FBXL7: variants seen among roughly 807,000 people sequenced by gnomAD.
The protein encoded by FBXL7 is F-box and leucine rich repeat protein 7, also known as F-box/LRR-repeat protein 7.
FBXL7 carries 12 observed loss-of-function variants against 38.3 expected under a neutral mutation model. The ratio of observed to expected loss-of-function variants is 0.31; its 90% CI spans 0.20 to 0.51. The LOEUF (loss-of-function observed/expected upper bound fraction) is 0.51, where lower values mean the gene tolerates loss of function less well. FBXL7 is among the 20% of genes least tolerant of loss of function. The pLI is 0.98. For missense variants in FBXL7, 567 were observed against 676.4 expected, an observed-to-expected ratio of 0.84 and a Z score of 1.79; for synonymous variants, 297 against 300.9, an observed-to-expected ratio of 0.99 and a Z score of 0.13.
chr5:15,912,049 C>T (rs1741443106), intron 2 of FBXL7, among the ~76,000 whole-genome samples: 1 of 17,200 alleles, frequency 5.8e-5, no homozygotes, highest in Non-Finnish European at 1.0e-4. Context: ...GTGGTGGGCT[C>T]CACCCAGTTC....
chr5:15,546,941 GGAA>G (rs1210118324), intron 1 of FBXL7, among the ~76,000 whole-genome samples: 5 of 152,130 alleles, frequency 3.3e-5, no homozygotes, highest in Non-Finnish European at 7.3e-5. Flanking sequence ...TTGAAAGTCA[GGAA>G]GAAGAAGCTT....
intron 2 of FBXL7, among the ~76,000 whole-genome samples, chr5:15,622,510 C>T (rs1286871440): frequency 6.6e-6 from 1 of 152,002 alleles, no homozygotes; most frequent in Non-Finnish European, 1.5e-5. Flanking sequence ...TGTTCAATTC[C>T]CACCTATGAG....
At chr5:15,543,778 T>C (rs115720822) in intron 1 of FBXL7, among the ~76,000 whole-genome samples, 1,862 of 152,322 alleles carry the variant, frequency 0.012, 44 homozygotes, top group African/African-American at 0.043. Flanking sequence ...CATTGAACTA[T>C]AGATGTTATA....
chr5:15,906,574 G>A (rs1435870403), intron 2 of FBXL7, among the ~76,000 whole-genome samples: 1 of 139,482 alleles, frequency 7.2e-6, no homozygotes, highest in Non-Finnish European at 1.5e-5. Flanking sequence ...GTGCAGATTA[G>A]TTACATATGT....
chr5:15,685,499 A>G (rs1191575781), intron 2 of FBXL7, among the ~76,000 whole-genome samples: 3 of 152,186 alleles, frequency 2.0e-5, no homozygotes, highest in Non-Finnish European at 2.9e-5. Flanking sequence ...AATGAATGGA[A>G]CCTAGTATAG....
At chr5:15,815,055 T>C (rs1366239270) in intron 2 of FBXL7, among the ~76,000 whole-genome samples, 2 of 152,200 alleles carry the variant, frequency 1.3e-5, no homozygotes, top group Admixed American at 1.3e-4. Flanking sequence ...GCAGGACTTT[T>C]CTTTGTGTAT....
intron 2 of FBXL7, among the ~76,000 whole-genome samples, chr5:15,702,571 A>G (rs1272558290): frequency 1.3e-5 from 2 of 151,954 alleles, no homozygotes; most frequent in Non-Finnish European, 2.9e-5. Context: ...TGAACAATAT[A>G]TTTTTTCAAT....
Position 15,699,667 on chromosome 5 carries a change from A to T in FBXL7, c.127+83595A>T, listed in dbSNP as rs1051731587. ...TTAGGAGTTCCCAAATCAGAGTCAGAAACTGATCCATCCAGACTTTCTACA... is the reference window on the plus strand; with the variant it reads ...TTAGGAGTTCCCAAATCAGAGTCAGTAACTGATCCATCCAGACTTTCTACA... On this transcript the variant is annotated intron_variant, in intron 2 of 3. Transcript: ENST00000504595. Among the ~76,000 whole-genome samples the T allele has an allele frequency of 2.6e-5, 4 of 152,216 alleles. No individual in the cohort carries two copies. In the East Asian group the frequency reaches 7.7e-4, roughly 29 times the overall value.
intron 2 of FBXL7, among the ~76,000 whole-genome samples, chr5:15,916,073 A>G (rs1741576048): frequency 6.6e-6 from 1 of 152,184 alleles, no homozygotes; most frequent in Non-Finnish European, 1.5e-5. Context: ...TTTGCAAAGG[A>G]TATTGATGAG....
intron 1 of FBXL7, among the ~76,000 whole-genome samples, chr5:15,503,845 C>T (rs965870686): frequency 2.0e-5 from 3 of 152,304 alleles, no homozygotes; most frequent in Non-Finnish European, 4.4e-5. Flanking sequence ...CATCGCTGTG[C>T]AAATGTTTGT....
At chr5:15,838,869 C>G (rs533011665) in intron 2 of FBXL7, among the ~76,000 whole-genome samples, 12 of 152,228 alleles carry the variant, frequency 7.9e-5, no homozygotes, top group African/African-American at 2.9e-4. Context: ...AAATTAATGA[C>G]TTTAAAGTTG....
At chr5:15,739,908 C>G (rs1019437004) in intron 2 of FBXL7, among the ~76,000 whole-genome samples, 1 of 152,052 alleles carries the variant, frequency 6.6e-6, no homozygotes, top group African/African-American at 2.4e-5. Context: ...TGGAATATAC[C>G]TAGGAGTGCT....
At chr5:15,613,954 G>T (rs535580605) in intron 1 of FBXL7, among the ~76,000 whole-genome samples, 1 of 152,132 alleles carries the variant, frequency 6.6e-6, no homozygotes, top group Non-Finnish European at 1.5e-5. Flanking sequence ...GTGTCCTCAC[G>T]TGGCAGAAGG....
intron 1 of FBXL7, among the ~76,000 whole-genome samples, chr5:15,589,317 A>G (rs561734941): frequency 1.3e-5 from 2 of 152,022 alleles, no homozygotes; most frequent in South Asian, 4.2e-4. Flanking sequence ...GGGATGATTG[A>G]ATCTCGGGGG....
chr5:15,829,170 G>A (rs916589628), intron 2 of FBXL7, among the ~76,000 whole-genome samples: 1 of 152,100 alleles, frequency 6.6e-6, no homozygotes, highest in African/African-American at 2.4e-5. Flanking sequence ...TTATTTAATA[G>A]TGACCCTGAA....
intron 2 of FBXL7, among the ~76,000 whole-genome samples, chr5:15,637,157 A>G (rs1351634931): frequency 6.6e-6 from 1 of 152,218 alleles, no homozygotes; most frequent in African/African-American, 2.4e-5. Flanking sequence ...TAATGATAGC[A>G]AAGACTTTAA....
At chr5:15,764,497 G>A (rs1736532515) in intron 2 of FBXL7, among the ~76,000 whole-genome samples, 1 of 152,154 alleles carries the variant, frequency 6.6e-6, no homozygotes, top group Non-Finnish European at 1.5e-5. Context: ...AAGTACAGAG[G>A]CCTCTAGGAT....
intron 1 of FBXL7, among the ~76,000 whole-genome samples, chr5:15,513,129 T>C: frequency 6.6e-6 from 1 of 152,044 alleles, no homozygotes; most frequent in East Asian, 1.9e-4. Context: ...ATTGCTAAAA[T>C]CAGAAGCAAA....
chr5:15,700,432 T>C (rs11133822), intron 2 of FBXL7, among the ~76,000 whole-genome samples: 85,614 of 152,048 alleles, frequency 0.56, 24,208 homozygotes, highest in East Asian at 0.69. Context: ...ACCAATTTTC[T>C]GATTTTTGGA....
Sources: allele counts gnomAD v4.1 joint callset (sites outside exome capture counted in the v4.1 genomes callset), GRCh38; gene constraint gnomAD v4.1.1; transcripts MANE v1.5; gene names NCBI Gene and HGNC (gene_info 2026-07-23, HGNC 2026-07-21).